Variants in HMCN2 observed in about 807,000 individuals in gnomAD.
The protein encoded by HMCN2 is hemicentin-2.
A neutral mutation model predicts 377.5 loss-of-function variants in HMCN2; 325 were observed. The ratio of observed to expected loss-of-function variants is 0.86; its 90% CI spans 0.79 to 0.94. HMCN2 has a LOEUF of 0.94. HMCN2 is among the 40% of genes least tolerant of loss of function. HMCN2 has a pLI of 0.00. For missense variants in HMCN2, 4,543 were observed against 4,725.3 expected (o/e 0.96, Z 1.13); for synonymous variants, 2,007 against 2,046.8 (o/e 0.98, Z 0.53).
rs747542489 is a variant in HMCN2, at chr9:130,370,945, GCTT to G, written c.7070-12_7070-10del. 4 of 985,970 alleles carry G rather than the reference GCTT, an allele frequency of 4.1e-6. No homozygotes were observed. The highest frequency in any genetic ancestry group is 1.1e-4 in the East Asian group (1 of 8,838). The allele number at this position is 985,970 out of a possible 1,614,324, so 61.1% of individuals were successfully genotyped here. A position where few individuals can be genotyped will look rare whatever the true frequency, so the allele number is the denominator to read the frequency against. On this transcript the variant is annotated splice_polypyrimidine_tract_variant and intron_variant, in intron 45 of 97. Transcript: ENST00000683500. ...AGCCCATATCTGCACCCTGAATGTG[GCTT>G]CTTCTTTGTGTCCAGTGCCCCCAGA...
chr9:130,282,254 C>T (rs990459149), intron 1 of HMCN2, among the ~76,000 whole-genome samples: 49 of 152,206 alleles, frequency 3.2e-4, no homozygotes, highest in African/African-American at 1.1e-3. Flanking sequence ...TGCCAAGCTG[C>T]GTGCTAAGCT....
At chr9:130,362,352 T>C (rs1201524716) in intron 39 of HMCN2, among the ~76,000 whole-genome samples, 187 bp downstream of exon 39, 1 of 152,198 alleles carries the variant, frequency 6.6e-6, no homozygotes, top group Non-Finnish European at 1.5e-5. Context: ...ATACATTCCA[T>C]GAACATGAAC....
intron 22 of HMCN2, 85 bp from the exon 23 acceptor site, chr9:130,337,809 A>T (rs1410593083): frequency 1.2e-5 from 1 of 83,668 alleles, no homozygotes; most frequent in Non-Finnish European, 2.3e-5. Flanking sequence ...TTCCTGGGGG[A>T]GGTGGCTGGT....
rs1366083974 is a variant in HMCN2 at position 130,393,018 on chromosome 9, AAAAGAG to A, written c.10137-192_10137-187del. Among the ~76,000 whole-genome samples the A allele has an allele frequency of 6.6e-6, 1 of 151,816 alleles. No homozygotes were observed. The highest frequency in any genetic ancestry group is 2.4e-5 in the African/African-American group (1 of 41,304). On this transcript the variant is annotated intron_variant, in intron 66 of 97. Transcript: ENST00000683500. This position sits in a 1 kb window ranked among gnomAD's most constrained non-coding sequence, Gnocchi z 5.2. ...CTCACCATCTCAAAAAAAAAAAAGA[AAAAGAG>A]AGAGTTTAAGCAAAGGCTGGGCTCA...
At chr9:130,321,546 G>A (rs1837850633) in intron 18 of HMCN2, among the ~76,000 whole-genome samples, 1 of 152,050 alleles carries the variant, frequency 6.6e-6, no homozygotes, top group Non-Finnish European at 1.5e-5. Flanking sequence ...AGTTGGCCGA[G>A]GGAGAGGTGG....
At chr9:130,430,674 C>T in intron 95 of HMCN2, 70 bp downstream of exon 95, 1 of 1,380,918 alleles carries the variant, frequency 7.2e-7, no homozygotes, top group Non-Finnish European at 9.7e-7. Flanking sequence ...GGTGGGTGTG[C>T]AGGTGTCACC....
chr9:130,291,044 T>C (rs1835729437), intron 4 of HMCN2, among the ~76,000 whole-genome samples: 1 of 152,220 alleles, frequency 6.6e-6, no homozygotes, highest in Admixed American at 6.5e-5. Context: ...CAGACATTGC[T>C]AATCAATCAC....
At chr9:130,315,179 T>C in intron 15 of HMCN2, among the ~76,000 whole-genome samples, 2 of 81,452 alleles carry the variant, frequency 2.5e-5, no homozygotes, top group African/African-American at 9.8e-5. Context: ...AGCTCCTTCC[T>C]CCCTTCCTCC....
At chr9:130,380,851 A>G (rs375555168) in intron 54 of HMCN2, among the ~76,000 whole-genome samples, 73 of 151,924 alleles carry the variant, frequency 4.8e-4, no homozygotes, top group African/African-American at 1.7e-3. Context: ...CTCTTACTGA[A>G]CACTGTTAGT....
At position 130,361,672 on chromosome 9, in the gene HMCN2, C is replaced by CCT. The variant is rs1311383377; in HGVS notation, c.5951-335_5951-334insTC. ...CCCCTGAGTTAGGAAGTAGCACTGT[C>CCT]CAGGGACCCTTGGTCCCCTCCCCAT... On this transcript the variant is annotated intron_variant, in intron 38 of 97. Coordinates refer to ENST00000683500, the MANE Select transcript of HMCN2 (RefSeq NM_001291815.2). The surrounding 1 kb of genome is among the most constrained non-coding windows in gnomAD (Gnocchi z 4.8). Among the ~76,000 whole-genome samples, 2 of 152,192 alleles carry CCT rather than the reference C, an allele frequency of 1.3e-5. No homozygotes were observed. Among genetic ancestry groups the CCT allele is most frequent in the Admixed American group, 6.5e-5 (1 of 15,286 alleles).
At chr9:130,289,348 T>G (rs1554929190) in intron 4 of HMCN2, among the ~76,000 whole-genome samples, 1 of 148,874 alleles carries the variant, frequency 6.7e-6, no homozygotes, top group African/African-American at 2.5e-5. Flanking sequence ...GATGGGGGGG[T>G]GAGGGGGAGC....
chr9:130,285,083 G>T, intron 2 of HMCN2, 75 bp from the exon 3 acceptor site: 1 of 448,338 alleles, frequency 2.2e-6, no homozygotes, highest in Non-Finnish European at 4.7e-6. Flanking sequence ...ATGCCCAGTG[G>T]TTTTGGAGAT....
intron 25 of HMCN2, among the ~76,000 whole-genome samples, chr9:130,342,732 A>G (rs959137245): frequency 6.6e-6 from 1 of 152,022 alleles, no homozygotes; most frequent in Non-Finnish European, 1.5e-5. Context: ...CCCTGTGCCC[A>G]TCAGCATCTG....
chr9:130,392,840 C>CA (rs374941965), intron 66 of HMCN2, among the ~76,000 whole-genome samples: 313 of 151,948 alleles, frequency 2.1e-3, no homozygotes, highest in African/African-American at 7.3e-3. Context: ...ACTAAAAATA[C>CA]AAAAAATTAG....
chr9:130,309,089 G>T (rs1402389935), intron 14 of HMCN2, among the ~76,000 whole-genome samples: 1 of 152,242 alleles, frequency 6.6e-6, no homozygotes, highest in Non-Finnish European at 1.5e-5. Context: ...AAGTGGTTCA[G>T]ATCGTCAATC....
Position 130,404,924 on chromosome 9 carries a change from C to T in HMCN2, c.12204C>T (p.His4068=), listed in dbSNP as rs150860658. 3.7e-4 allele frequency: 482 copies of T among 1,288,216 alleles called. 4 individuals are homozygous for T. In the Middle Eastern group the frequency reaches 7.7e-3, roughly 21 times the overall value. 79.8% of individuals were successfully genotyped at this position (1,288,216 alleles called of 1,614,324 possible). The change falls in exon 81 of 98, where the codon CAC becomes CAT. Residue 4068 remains histidine, a synonymous_variant. Coordinates refer to ENST00000683500, the MANE Select transcript of HMCN2 (RefSeq NM_001291815.2). ...ACCTGTCCACCACCGAAGGCTCCCA[C>T]GCCTTCTTGCCTTGCAAGGCGAGGG... ...LPDLSTTEGS[H]AFLPCKARGS...
At chr9:130,429,282 C>T (rs1399241293) in intron 93 of HMCN2, 3 of 481,336 alleles carry the variant, frequency 6.2e-6, no homozygotes, top group Non-Finnish European at 1.1e-5. Flanking sequence ...GAGTTCCTTG[C>T]CCAAGGGCTA....
chr9:130,288,249 CAAA>C (rs1554928714), intron 4 of HMCN2, among the ~76,000 whole-genome samples: 7 of 152,202 alleles, frequency 4.6e-5, no homozygotes, highest in Non-Finnish European at 7.3e-5. Context: ...GGAACCTGGG[CAAA>C]TCCACTACTC....
At chr9:130,341,886 A>C (rs1048740095) in intron 24 of HMCN2, among the ~76,000 whole-genome samples, 1 of 152,048 alleles carries the variant, frequency 6.6e-6, no homozygotes, top group Non-Finnish European at 1.5e-5. Flanking sequence ...AATTTAAAAC[A>C]AGCTTGGGGC....
Sources: allele counts gnomAD v4.1 joint callset (sites outside exome capture counted in the v4.1 genomes callset), GRCh38; gene constraint gnomAD v4.1.1; non-coding constraint Gnocchi (gnomAD v3.1); transcripts MANE v1.5; gene names NCBI Gene and HGNC (gene_info 2026-07-23, HGNC 2026-07-21).